AFF3: variants seen among roughly 807,000 people sequenced by gnomAD.
AFF3 encodes the protein ALF transcription elongation factor 3, also known as AF4/FMR2 family member 3.
AFF3 carries 32 observed loss-of-function variants against 129.7 expected under a neutral mutation model. The observed-to-expected ratio is 0.25, with a 90% confidence interval of 0.19 to 0.33. The LOEUF is 0.33. Ranked by LOEUF, AFF3 falls within the 10% of genes least tolerant of loss-of-function variation. The probability of loss-of-function intolerance (pLI) is 1.00; values close to 1 mark genes in which losing one functional copy is unlikely to be tolerated. For synonymous variants in AFF3, 644 were observed against 635.4 expected (o/e 1.01, Z -0.20); for missense variants, 1,373 against 1,592.0 (o/e 0.86, Z 2.34).
intron 1 of AFF3, among the ~76,000 whole-genome samples, chr2:100,142,094 A>T (rs1180454718): frequency 6.6e-6 from 1 of 152,168 alleles, no homozygotes; most frequent in African/African-American, 2.4e-5. Context: ...TTGAGGTTAT[A>T]GCTAATGAGC....
chr2:99,874,063 G>C (rs1378157865), intron 7 of AFF3, among the ~76,000 whole-genome samples: 1 of 152,152 alleles, frequency 6.6e-6, no homozygotes, highest in African/African-American at 2.4e-5. Context: ...TGCAGTCCCA[G>C]CTACTCGGGA....
At chr2:100,064,334 C>T (rs532170066) in intron 4 of AFF3, among the ~76,000 whole-genome samples, 6 of 152,220 alleles carry the variant, frequency 3.9e-5, no homozygotes, top group African/African-American at 1.4e-4. Flanking sequence ...GTAGCTGGAG[C>T]GGGTGGGGAG....
In AFF3 at chr2:99,858,976, C is replaced by T. The variant is rs528155932; in HGVS notation, c.874-21452G>A. ...TGGTTTGATCTTCAGTAATAGCTGA[C>T]CGATACACCTGCTTTATAAACATGG... On this transcript the variant is annotated intron_variant, in intron 7 of 24. Transcript: ENST00000672756. Among the ~76,000 whole-genome samples, 10 of 152,304 alleles carry T rather than the reference C, an allele frequency of 6.6e-5. No homozygotes were observed. In the South Asian group the frequency reaches 1.9e-3, roughly 28 times the overall value.
chr2:99,646,380 C>A (rs1485476101), intron 13 of AFF3, among the ~76,000 whole-genome samples: 1 of 152,096 alleles, frequency 6.6e-6, no homozygotes, highest in African/African-American at 2.4e-5. Flanking sequence ...TCTGTCCTGT[C>A]CCAGAATTAT....
chr2:99,733,185 C>A (rs1192488979), intron 10 of AFF3, among the ~76,000 whole-genome samples: 7 of 151,956 alleles, frequency 4.6e-5, no homozygotes, highest in Admixed American at 4.6e-4. Context: ...TGAGACCATC[C>A]TGGCTAACAC....
intron 7 of AFF3, among the ~76,000 whole-genome samples, chr2:99,993,564 T>C (rs576410049): frequency 2.0e-5 from 3 of 151,188 alleles, no homozygotes; most frequent in African/African-American, 7.3e-5. Context: ...AAACTAAAGA[T>C]AAAAATAATA....
chr2:99,752,600 A>G (rs76023621), intron 8 of AFF3, among the ~76,000 whole-genome samples: 3,361 of 152,282 alleles, frequency 0.022, 112 homozygotes, highest in African/African-American at 0.075. Flanking sequence ...TCTAGTAGCA[A>G]AAGTTCTATG....
chr2:99,664,658 G>A (rs1686523973), intron 12 of AFF3, among the ~76,000 whole-genome samples: 1 of 152,178 alleles, frequency 6.6e-6, no homozygotes, highest in South Asian at 2.1e-4. Context: ...TAGAGTTCAG[G>A]AAAAGGAACA....
intron 7 of AFF3, among the ~76,000 whole-genome samples, chr2:99,992,235 GA>G (rs915103984): frequency 1.3e-5 from 2 of 151,544 alleles, no homozygotes; most frequent in Admixed American, 6.6e-5. Flanking sequence ...ATACAGCTCA[GA>G]AAAAAAATGC....
chr2:99,755,347 C>T (rs559445568), intron 8 of AFF3, among the ~76,000 whole-genome samples: 88 of 151,854 alleles, frequency 5.8e-4, no homozygotes, highest in Non-Finnish European at 9.7e-4. Context: ...CAGCTCACCG[C>T]GACCTCTGCC....
intron 14 of AFF3, among the ~76,000 whole-genome samples, chr2:99,594,913 C>T (rs1259039389): frequency 6.6e-6 from 1 of 152,184 alleles, no homozygotes; most frequent in African/African-American, 2.4e-5. Flanking sequence ...CTATCCTCAA[C>T]CTGCTTCCAT....
At chr2:99,636,967 A>C (rs1382788742) in intron 13 of AFF3, among the ~76,000 whole-genome samples, 1 of 151,808 alleles carries the variant, frequency 6.6e-6, no homozygotes, top group Non-Finnish European at 1.5e-5. Flanking sequence ...CTGTGCCCAG[A>C]GTGAGCAGCT....
intron 4 of AFF3, among the ~76,000 whole-genome samples, chr2:100,082,234 C>T (rs1376081884): frequency 6.6e-6 from 1 of 151,936 alleles, no homozygotes; most frequent in Non-Finnish European, 1.5e-5. Context: ...TGTTGAAATA[C>T]GAACAAACGA....
At chr2:99,942,135 T>TA (rs1378846864) in intron 7 of AFF3, among the ~76,000 whole-genome samples, 1 of 152,136 alleles carries the variant, frequency 6.6e-6, no homozygotes, top group African/African-American at 2.4e-5. Flanking sequence ...AGTGCCTACT[T>TA]ATCAGCCAAG....
intron 4 of AFF3, among the ~76,000 whole-genome samples, chr2:100,019,777 C>T (rs1206335900): frequency 1.3e-5 from 2 of 152,102 alleles, no homozygotes; most frequent in East Asian, 1.9e-4. Context: ...CCTCAATTTC[C>T]CTCCTCCAAC....
intron 7 of AFF3, among the ~76,000 whole-genome samples, chr2:99,945,301 C>T (rs1229614457): frequency 2.0e-5 from 3 of 152,320 alleles, no homozygotes; most frequent in South Asian, 2.1e-4. Context: ...AGTAGCCTAA[C>T]GGGACTCTGA....
intron 7 of AFF3, among the ~76,000 whole-genome samples, chr2:99,902,871 T>C (rs780479216): frequency 1.3e-5 from 2 of 151,964 alleles, no homozygotes; most frequent in African/African-American, 2.4e-5. Context: ...ATGGAAAAAA[T>C]ATAGGAAAGT....
At position 100,007,620 on chromosome 2, in the gene AFF3, C is replaced by T. The variant is rs1387429434; in HGVS notation, c.175-160G>A. Reference sequence around the variant, plus strand: ...CCTTATCGTCTCTGAAGATGTCTGTCAGCACTTGGTGATGCACCAGAACAG... The same window carrying T: ...CCTTATCGTCTCTGAAGATGTCTGTTAGCACTTGGTGATGCACCAGAACAG... On this transcript the variant is annotated intron_variant, in intron 5 of 24. Coordinates refer to ENST00000672756, the MANE Select transcript of AFF3 (RefSeq NM_001386135.1). 7 of 690,994 alleles carry T rather than the reference C, an allele frequency of 1.0e-5. No homozygotes were observed. In the East Asian group the frequency reaches 1.6e-4, roughly 16 times the overall value. The allele number at this position is 690,994 out of a possible 1,614,324, so 42.8% of individuals were successfully genotyped here.
intron 13 of AFF3, among the ~76,000 whole-genome samples, chr2:99,624,861 CGGGAGGGCAGCAAGT>C (rs1682390225): frequency 6.6e-6 from 1 of 152,202 alleles, no homozygotes; most frequent in African/African-American, 2.4e-5. Context: ...GAGACGAAGG[CGGGAGGGCAGCAAGT>C]GGGAGCTCCG....
Sources: allele counts gnomAD v4.1 joint callset (sites outside exome capture counted in the v4.1 genomes callset), GRCh38; gene constraint gnomAD v4.1.1; transcripts MANE v1.5; gene names NCBI Gene and HGNC (gene_info 2026-07-23, HGNC 2026-07-21).